RAB2A: variants seen among roughly 807,000 people sequenced by gnomAD.
RAB2A encodes ras-related protein Rab-2A.
Under a neutral mutation model 32.5 loss-of-function variants are expected in RAB2A, and 7 were observed. The ratio of observed to expected loss-of-function variants is 0.22; its 90% confidence interval spans 0.12 to 0.40. The LOEUF is 0.40. Ranked by LOEUF, RAB2A falls within the 10% of genes least tolerant of loss-of-function variation. The probability of loss-of-function intolerance (pLI) is 1.00; values close to 1 mark genes in which losing one functional copy is unlikely to be tolerated. For missense variants in RAB2A, 108 were observed against 260.7 expected (o/e 0.41, Z 4.03); for synonymous variants, 79 against 85.2 (o/e 0.93, Z 0.40).
At chr8:60,582,672 T>C (rs1803781882) in intron 3 of RAB2A, among the ~76,000 whole-genome samples, 1 of 152,120 alleles carries the variant, frequency 6.6e-6, no homozygotes, top group African/African-American at 2.4e-5. Context: ...GCCACCACAC[T>C]TGGCTAATTT....
intron 1 of RAB2A, among the ~76,000 whole-genome samples, chr8:60,523,448 C>T (rs1161555523): frequency 2.0e-5 from 3 of 152,100 alleles, no homozygotes; most frequent in East Asian, 3.9e-4. Context: ...TGAGCCACCA[C>T]GCCCGGCCAA....
chr8:60,546,044 C>G (rs1476273960), intron 1 of RAB2A, among the ~76,000 whole-genome samples: 1 of 152,104 alleles, frequency 6.6e-6, no homozygotes, highest in Non-Finnish European at 1.5e-5. Context: ...TAAAAACAGG[C>G]ATTTAAATAA....
rs372223415 is a variant in RAB2A at position 60,607,754 on chromosome 8, T to C, written c.475-10826T>C. On this transcript the variant is annotated intron_variant, in intron 6 of 7. Transcript: ENST00000262646. ...ATCCAGGGGTCACACTCTGAAGAGA[T>C]AGAGAGGCTGTAGAGGAGTCCAGTC... Among the ~76,000 whole-genome samples the C allele has an allele frequency of 6.6e-5, 10 of 152,296 alleles. No individual in the cohort carries two copies. In the East Asian group the frequency reaches 1.7e-3, roughly 26 times the overall value.
rs1223249876 is a variant in RAB2A at position 60,558,883 on chromosome 8, T to C, written c.78T>C (p.Phe26=). The C allele has an allele frequency of 6.2e-7, 1 of 1,613,454 alleles. No homozygotes were observed. The highest frequency in any genetic ancestry group is 8.5e-7 in the Non-Finnish European group (1 of 1,179,548). The change falls in exon 2 of 8, where the codon TTT becomes TTC. Residue 26 remains phenylalanine (F), a synonymous_variant. Transcript: ENST00000262646. ...GTAAATCATGCTTATTGCTACAGTT[T>C]ACAGACAAGAGGTTTCAGCCAGTGC... ...GVGKSCLLLQ[F]TDKRFQPVHD...
At chr8:60,523,163 CTT>C (rs71557794) in intron 1 of RAB2A, among the ~76,000 whole-genome samples, 26 of 145,760 alleles carry the variant, frequency 1.8e-4, no homozygotes, top group East Asian at 8.0e-4. Flanking sequence ...CATTCTTTTT[CTT>C]TTTTTTTTTT....
intron 1 of RAB2A, among the ~76,000 whole-genome samples, chr8:60,520,503 G>A (rs1164461978): frequency 6.6e-6 from 1 of 152,122 alleles, no homozygotes; most frequent in Non-Finnish European, 1.5e-5. Flanking sequence ...GCTGCTCAAC[G>A]CTCAGCAAGG....
chr8:60,526,053 A>ATATATAATTTTTCTGT (rs1807381847), intron 1 of RAB2A, among the ~76,000 whole-genome samples: 1 of 117,998 alleles, frequency 8.5e-6, no homozygotes, highest in African/African-American at 3.4e-5. Flanking sequence ...ATATATATAT[A>ATATATAATTTTTCTGT]TATAAGTTTT....
intron 6 of RAB2A, among the ~76,000 whole-genome samples, chr8:60,595,193 T>C (rs1039182563): frequency 4.3e-4 from 65 of 152,286 alleles, no homozygotes; most frequent in Admixed American, 3.7e-3. Flanking sequence ...GAAACAAAAA[T>C]ATGGATAAAT....
chr8:60,584,412 G>C, intron 4 of RAB2A, 122 bp downstream of exon 4: 1 of 777,268 alleles, frequency 1.3e-6, no homozygotes, highest in East Asian at 2.6e-5. Flanking sequence ...CTTTAAAACT[G>C]CATCTTGAGT....
At chr8:60,601,073 A>T (rs1044180204) in intron 6 of RAB2A, among the ~76,000 whole-genome samples, 1 of 152,250 alleles carries the variant, frequency 6.6e-6, no homozygotes, top group African/African-American at 2.4e-5. Context: ...CCATGATGAC[A>T]GTTTTAAAAA....
chr8:60,577,886 C>T (rs1452378767), intron 3 of RAB2A, among the ~76,000 whole-genome samples: 3 of 151,190 alleles, frequency 2.0e-5, no homozygotes, highest in Non-Finnish European at 2.9e-5. Context: ...TCGTGATCCA[C>T]CCGCCTCAGC....
chr8:60,536,562 T>C (rs1402783190), intron 1 of RAB2A, among the ~76,000 whole-genome samples: 2 of 152,216 alleles, frequency 1.3e-5, no homozygotes, highest in Non-Finnish European at 2.9e-5. Flanking sequence ...ATGGTCAGAT[T>C]AAAGTGTGTT....
rs2130800667 is a variant in RAB2A at position 60,517,262 on chromosome 8, CCCGGGCGCGG to C, written c.46+17_46+26del. ...CATAATCGGCGACACAGGTGAGGGC[CCCGGGCGCGG>C]CCGGGCGGGTGTCGGCGGCCTCCGG... is the stretch of plus-strand genomic sequence containing the variant. On this transcript the variant is annotated intron_variant, in intron 1 of 7. Coordinates refer to ENST00000262646, the MANE Select transcript of RAB2A (RefSeq NM_002865.3). The C allele has an allele frequency of 1.3e-6, 2 of 1,483,926 alleles. No individual in the cohort carries two copies. The highest frequency in any genetic ancestry group is 3.0e-5 in the East Asian group (1 of 33,352). 91.9% of individuals were successfully genotyped at this position (1,483,926 alleles called of 1,614,324 possible). A position where few individuals can be genotyped will look rare whatever the true frequency, so the allele number is the denominator to read the frequency against.
chr8:60,559,066 T>C (rs1807981100), intron 2 of RAB2A, 143 bp downstream of exon 2: 2 of 599,086 alleles, frequency 3.3e-6, no homozygotes, highest in Admixed American at 6.6e-5. Flanking sequence ...CTGTCACTTT[T>C]TTAAAAATAT....
intron 3 of RAB2A, among the ~76,000 whole-genome samples, chr8:60,573,015 C>T (rs531665520): frequency 7.9e-5 from 12 of 152,266 alleles, no homozygotes; most frequent in African/African-American, 2.4e-4. Context: ...CTCATACCTG[C>T]TTCTGCACTG....
intron 1 of RAB2A, among the ~76,000 whole-genome samples, chr8:60,526,948 G>A (rs138006596): frequency 0.028 from 3,957 of 142,660 alleles, 88 homozygotes; most frequent in Non-Finnish European, 0.045. Flanking sequence ...CAGCCTGGGC[G>A]ACAGTGCGAG....
chr8:60,588,603 A>G (rs979106257), intron 5 of RAB2A, among the ~76,000 whole-genome samples: 1 of 152,238 alleles, frequency 6.6e-6, no homozygotes, highest in African/African-American at 2.4e-5. Flanking sequence ...TTACATTTAT[A>G]TAAAAATCCT....
At chr8:60,615,434 C>T (rs1050139785) in intron 6 of RAB2A, among the ~76,000 whole-genome samples, 1 of 152,022 alleles carries the variant, frequency 6.6e-6, no homozygotes, top group Non-Finnish European at 1.5e-5. Flanking sequence ...TATTTTTGTA[C>T]ATTATATATA....
chr8:60,546,149 T>TA (rs568670499), intron 1 of RAB2A, among the ~76,000 whole-genome samples: 4 of 152,320 alleles, frequency 2.6e-5, no homozygotes, highest in Middle Eastern at 3.4e-3. Flanking sequence ...TCCAGAGAAA[T>TA]ACTAGAAGAG....
Sources: gnomAD v4.1 joint callset for allele counts (sites outside exome capture counted in the v4.1 genomes callset) on GRCh38, gnomAD v4.1.1 for gene constraint, MANE v1.5 for transcripts, NCBI Gene and HGNC (gene_info 2026-07-23, HGNC 2026-07-21) for gene names.